The following PCDHA8 variants were observed in gnomAD, a reference collection of about 807,000 sequenced individuals.
PCDHA8 encodes protocadherin alpha 8.
A neutral mutation model predicts 61.8 loss-of-function variants in PCDHA8; 53 were observed. That is an observed-to-expected ratio of 0.86 (90% confidence interval 0.69 to 1.08). The LOEUF is 1.08. Among genes scored for constraint, PCDHA8 ranks in the 50% least tolerant of loss-of-function variants. PCDHA8 has a pLI of 0.00. For missense variants in PCDHA8, 1,293 were observed against 1,245.0 expected (o/e 1.04, Z -0.58); for synonymous variants, 618 against 556.6 (o/e 1.11, Z -1.55).
chr5:140,897,415 A>G (rs2066090522), intron 1 of PCDHA8, among the ~76,000 whole-genome samples: 1 of 138,406 alleles, frequency 7.2e-6, no homozygotes, highest in South Asian at 2.3e-4. Context: ...TTCAATTCCC[A>G]TCTATGAGTG....
At chr5:141,002,449 C>G (rs2098081029) in intron 3 of PCDHA8, among the ~76,000 whole-genome samples, 1 of 152,192 alleles carries the variant, frequency 6.6e-6, no homozygotes, top group African/African-American at 2.4e-5. Flanking sequence ...ATAATTGGCA[C>G]ATTTGTATAA....
At position 140,842,985 on chromosome 5, in the gene PCDHA8, T is replaced by G. The variant is rs1322607138; in HGVS notation, c.1664T>G (p.Val555Gly). 1.3e-6 allele frequency: 2 copies of G among 1,594,870 alleles called. No individual in the cohort carries two copies. Among genetic ancestry groups the G allele is most frequent in the Non-Finnish European group, 1.7e-6 (2 of 1,165,502 alleles). ...AGCAACGTGACGCTGCAGGTGTTCGTGCTGGACGAGAATGACAACGCGCCG... is the reference window on the plus strand; with the variant it reads ...AGCAACGTGACGCTGCAGGTGTTCGGGCTGGACGAGAATGACAACGCGCCG... ...LGSNVTLQVF[V>G]LDENDNAPAL... The change falls in exon 1 of 4, where the codon GTG (valine) becomes GGG (glycine). Residue 555 changes from valine to glycine, a missense_variant. Transcript: ENST00000531613.
intron 1 of PCDHA8, among the ~76,000 whole-genome samples, chr5:140,902,174 T>C (rs1191904492): frequency 1.3e-5 from 2 of 151,720 alleles, no homozygotes; most frequent in Non-Finnish European, 2.9e-5. Context: ...AATTTGGATG[T>C]CCTTTATGTC....
chr5:140,866,884 T>C (rs1016288169), intron 1 of PCDHA8: 1 of 152,130 alleles, frequency 6.6e-6, no homozygotes, highest in Non-Finnish European at 1.5e-5. Flanking sequence ...TATTAGCCTA[T>C]ACCCAGATAT....
chr5:140,885,206 A>T (rs1304868227), intron 1 of PCDHA8, among the ~76,000 whole-genome samples: 1 of 152,038 alleles, frequency 6.6e-6, no homozygotes, highest in Admixed American at 6.6e-5. Context: ...CATATATCCC[A>T]TGAAAAATAT....
chr5:140,923,000 G>A (rs1554201089), intron 1 of PCDHA8, among the ~76,000 whole-genome samples: 2 of 152,220 alleles, frequency 1.3e-5, no homozygotes, highest in African/African-American at 4.8e-5. Context: ...CCATGAGAAT[G>A]GTTGTTGGAC....
rs2150421063 is a variant in PCDHA8, at chr5:140,848,806, T to C, written c.2394+5091T>C. The C allele has an allele frequency of 8.8e-6, 14 of 1,591,932 alleles. 1 individual carries two copies. The South Asian group carries it at 1.4e-4, about 16-fold the overall frequency. The stretch of plus-strand genomic sequence containing the variant: ...TGCGGGCGGAGCGCGGAGTGCAGCA[T>C]CCACCTGGAGGTGATCGTAGACAGG... On this transcript the variant is annotated intron_variant, in intron 1 of 3. Coordinates refer to ENST00000531613, the MANE Select transcript of PCDHA8 (RefSeq NM_018911.3).
chr5:140,852,764 A>T (rs1488234251), intron 1 of PCDHA8: 1 of 983,098 alleles, frequency 1.0e-6, no homozygotes, highest in Non-Finnish European at 1.2e-6. Flanking sequence ...CAGGTATCTG[A>T]TTATTTGATG....
intron 1 of PCDHA8, among the ~76,000 whole-genome samples, chr5:140,897,064 CTT>C (rs1313385579): frequency 3.3e-5 from 5 of 152,042 alleles, no homozygotes; most frequent in Non-Finnish European, 4.4e-5. Flanking sequence ...AATACTATGT[CTT>C]ATTCATTTTT....
intron 1 of PCDHA8, chr5:140,928,095 G>T (rs782045221): frequency 1.9e-6 from 3 of 1,614,190 alleles, no homozygotes; most frequent in Non-Finnish European, 1.7e-6. Flanking sequence ...TGATTGATGG[G>T]CCCCTGGACC....
intron 1 of PCDHA8, among the ~76,000 whole-genome samples, chr5:140,963,667 T>G (rs1206076549): frequency 3.9e-5 from 6 of 152,238 alleles, no homozygotes; most frequent in African/African-American, 1.4e-4. Context: ...CTATATGGCA[T>G]AGTTAAATGT....
At chr5:140,965,400 G>A (rs782574003) in intron 1 of PCDHA8, among the ~76,000 whole-genome samples, 1 of 152,154 alleles carries the variant, frequency 6.6e-6, no homozygotes, top group Non-Finnish European at 1.5e-5. Context: ...GAAGTCTAAG[G>A]AGTCTTATAT....
intron 1 of PCDHA8, chr5:140,849,562 C>G (rs1188964395): frequency 6.3e-7 from 1 of 1,598,438 alleles, no homozygotes; most frequent in Non-Finnish European, 8.6e-7. Context: ...AAAACGCTCT[C>G]GGTTCCTGTA....
intron 1 of PCDHA8, chr5:140,852,656 G>C (rs2042430108): frequency 1.0e-6 from 1 of 961,570 alleles, no homozygotes; most frequent in African/African-American, 1.8e-5. Context: ...ATCTATATCT[G>C]TCTATCAGCA....
rs1191412792 is a variant in PCDHA8 at position 140,853,165 on chromosome 5, C to T, written c.2394+9450C>T. ...AAATGCTGGGATTACAGGCGTGAGCCACCGCGCCTGGCCTAAAATGTGTTC... is the reference window on the plus strand; with the variant it reads ...AAATGCTGGGATTACAGGCGTGAGCTACCGCGCCTGGCCTAAAATGTGTTC... On this transcript the variant is annotated intron_variant, in intron 1 of 3. Coordinates refer to ENST00000531613, the MANE Select transcript of PCDHA8 (RefSeq NM_018911.3). The T allele has an allele frequency of 4.2e-6, 4 of 947,174 alleles. No homozygotes were observed. In the African/African-American group the frequency reaches 7.1e-5, roughly 17 times the overall value. The allele number at this position is 947,174 out of a possible 1,614,324, so 58.7% of individuals were successfully genotyped here.
At chr5:140,889,626 TC>T (rs2062301507) in intron 1 of PCDHA8, among the ~76,000 whole-genome samples, 1 of 152,228 alleles carries the variant, frequency 6.6e-6, no homozygotes, top group African/African-American at 2.4e-5. Flanking sequence ...TCATTTCTCT[TC>T]TTTTCATTTG....
chr5:141,007,325 C>T (rs1303133451), intron 3 of PCDHA8, among the ~76,000 whole-genome samples: 1 of 145,322 alleles, frequency 6.9e-6, no homozygotes, highest in Non-Finnish European at 1.5e-5. Flanking sequence ...CTAAAGTGGA[C>T]AGATTGCCTG....
At chr5:140,845,448 T>C (rs1375604335) in intron 1 of PCDHA8, among the ~76,000 whole-genome samples, 1 of 149,710 alleles carries the variant, frequency 6.7e-6, no homozygotes, top group Non-Finnish European at 1.5e-5. Context: ...CTGTTTTTCT[T>C]CAACTCTCTG....
intron 1 of PCDHA8, among the ~76,000 whole-genome samples, chr5:140,953,840 G>C (rs1429646408): frequency 6.6e-6 from 1 of 152,072 alleles, no homozygotes; most frequent in African/African-American, 2.4e-5. Flanking sequence ...TTGTTACCCA[G>C]GTAAACATGT....
Sources: gnomAD v4.1 joint callset for allele counts (sites outside exome capture counted in the v4.1 genomes callset) on GRCh38, gnomAD v4.1.1 for gene constraint, MANE v1.5 for transcripts, NCBI Gene and HGNC (gene_info 2026-07-23, HGNC 2026-07-21) for gene names.